XKR4: variants seen among roughly 807,000 people sequenced by gnomAD.
XKR4 encodes XK-related protein 4.
Under a neutral mutation model 53.9 loss-of-function variants are expected in XKR4, and 12 were observed. That is an observed-to-expected ratio of 0.22 (90% CI 0.14 to 0.36). The LOEUF is 0.36. Ranked by LOEUF, XKR4 falls within the 10% of genes least tolerant of loss-of-function variation. The probability of loss-of-function intolerance (pLI) is 1.00; values close to 1 mark genes in which losing one functional copy is unlikely to be tolerated. For synonymous variants in XKR4, 354 were observed against 362.4 expected (o/e 0.98, Z 0.26); for missense variants, 799 against 859.5 (o/e 0.93, Z 0.88).
intron 1 of XKR4, among the ~76,000 whole-genome samples, chr8:55,251,843 C>A (rs112328432): frequency 6.6e-6 from 1 of 152,204 alleles, no homozygotes; most frequent in African/African-American, 2.4e-5. Context: ...CATAATTTAT[C>A]GGTCTCTAAA....
intron 1 of XKR4, among the ~76,000 whole-genome samples, chr8:55,152,737 T>C (rs7840506): frequency 0.32 from 49,305 of 152,050 alleles, 8,691 homozygotes; most frequent in African/African-American, 0.48. Context: ...TGATTTGTTT[T>C]GCTCTAATAC....
rs1432126279 is a variant in XKR4 at position 55,480,655 on chromosome 8, A to G, written c.1007-42626A>G. On this transcript the variant is annotated intron_variant, in intron 2 of 2. Transcript: ENST00000327381. ...CATGATTGTATATTTAGAAAACCCC[A>G]TCGTCTCAGCCCAAAATCTCCTTAA... Among the ~76,000 whole-genome samples the G allele has an allele frequency of 3.3e-5, 5 of 151,896 alleles. No individual in the cohort carries two copies. In the South Asian group the frequency reaches 1.0e-3, roughly 32 times the overall value.
chr8:55,371,669 A>G (rs1804071606), intron 2 of XKR4, among the ~76,000 whole-genome samples: 2 of 152,242 alleles, frequency 1.3e-5, no homozygotes, highest in Admixed American at 6.5e-5. Context: ...TTTATTTAAA[A>G]GTACTGGCAG....
At chr8:55,417,516 C>T (rs56315246) in intron 2 of XKR4, among the ~76,000 whole-genome samples, 16,066 of 151,974 alleles carry the variant, frequency 0.11, 2,137 homozygotes, top group African/African-American at 0.31. Context: ...ATTTAGAGGC[C>T]GGAGGAGAAA....
intron 2 of XKR4, among the ~76,000 whole-genome samples, chr8:55,496,995 C>A (rs529113564): frequency 9.8e-5 from 15 of 152,296 alleles, no homozygotes; most frequent in Admixed American, 9.8e-4. Flanking sequence ...AGATCCTGCC[C>A]AGGAGCTCCC....
chr8:55,514,868 A>G (rs1416240561), intron 2 of XKR4, among the ~76,000 whole-genome samples: 1 of 152,198 alleles, frequency 6.6e-6, no homozygotes, highest in Admixed American at 6.5e-5. Context: ...TCTCCCATTT[A>G]CAGAATTTTT....
chr8:55,408,131 G>A (rs894453033), intron 2 of XKR4, among the ~76,000 whole-genome samples: 7 of 152,178 alleles, frequency 4.6e-5, no homozygotes, highest in Non-Finnish European at 1.0e-4. Flanking sequence ...CAGGGGAAAA[G>A]CAGGCAATTA....
At chr8:55,454,320 G>T in intron 2 of XKR4, 1 of 1,490,050 alleles carries the variant, frequency 6.7e-7, no homozygotes, top group Non-Finnish European at 9.3e-7. Context: ...ATTATGAAGG[G>T]CGTGGGTGTG....
At chr8:55,123,587 A>G (rs16921164) in intron 1 of XKR4, among the ~76,000 whole-genome samples, 36,683 of 152,140 alleles carry the variant, frequency 0.24, 4,945 homozygotes, top group African/African-American at 0.36. Flanking sequence ...AGGAGCAGCT[A>G]TCCACTGAGA....
At chr8:55,511,342 G>T (rs1345674038) in intron 2 of XKR4, among the ~76,000 whole-genome samples, 2 of 152,186 alleles carry the variant, frequency 1.3e-5, no homozygotes, top group Admixed American at 6.5e-5. Flanking sequence ...GCGGAATGAA[G>T]CCAGGAAACA....
rs1806963510 is a variant in XKR4, at chr8:55,532,251, T to G, written c.*8024T>G. 6.6e-6 allele frequency: 1 copy of G among 152,208 alleles called. No homozygotes were observed. Among genetic ancestry groups the G allele is most frequent in the South Asian group, 2.1e-4 (1 of 4,826 alleles). 9.4% of individuals were successfully genotyped at this position (152,208 alleles called of 1,614,324 possible). On this transcript the variant is annotated 3_prime_UTR_variant, in exon 3 of 3. Coordinates refer to ENST00000327381, the MANE Select transcript of XKR4 (RefSeq NM_052898.2). ...ACCTAATAAATGTTACAAGGTACCA[T>G]GATCTCTAGGTTCATGCCACCATTA...
At chr8:55,181,250 T>A (rs1389184439) in intron 1 of XKR4, among the ~76,000 whole-genome samples, 2 of 152,210 alleles carry the variant, frequency 1.3e-5, no homozygotes, top group African/African-American at 4.8e-5. Flanking sequence ...TTGGGTCTAA[T>A]ATCATCGTTT....
At chr8:55,389,872 G>C (rs1282477414) in intron 2 of XKR4, among the ~76,000 whole-genome samples, 1 of 152,184 alleles carries the variant, frequency 6.6e-6, no homozygotes, top group African/African-American at 2.4e-5. Context: ...CAGGTTCCTA[G>C]TGCCTACTGG....
chr8:55,172,948 C>T lies in XKR4; in HGVS notation c.806+69654C>T, dbSNP rs1305226927. Among the ~76,000 whole-genome samples, 8 of 152,168 alleles carry T rather than the reference C, an allele frequency of 5.3e-5. No individual in the cohort carries two copies. The South Asian group carries it at 1.4e-3, about 28-fold the overall frequency. ...TTCCATGTGATAGTGTTTTCTTTTC[C>T]TCTGACTGTAGAACATGCTTGCTCA... On this transcript the variant is annotated intron_variant, in intron 1 of 2. Coordinates refer to ENST00000327381, the MANE Select transcript of XKR4 (RefSeq NM_052898.2).
At chr8:55,253,903 T>A (rs1818396593) in intron 1 of XKR4, among the ~76,000 whole-genome samples, 1 of 151,952 alleles carries the variant, frequency 6.6e-6, no homozygotes, top group African/African-American at 2.4e-5. Flanking sequence ...GTGTTTCTTG[T>A]GGAGGCAGAG....
chr8:55,103,851 G>GTGTGTATATATATATATA (rs1187141027), intron 1 of XKR4, among the ~76,000 whole-genome samples: 1 of 106,018 alleles, frequency 9.4e-6, no homozygotes, highest in East Asian at 3.0e-4. Flanking sequence ...AAATGACTTT[G>GTGTGTATATATATATATA]TATATATATA....
intron 1 of XKR4, among the ~76,000 whole-genome samples, chr8:55,211,305 T>C (rs1248284183): frequency 6.6e-6 from 1 of 152,224 alleles, no homozygotes; most frequent in Non-Finnish European, 1.5e-5. Context: ...ATTTTGTTCT[T>C]TATATTTCAA....
chr8:55,174,425 T>C (rs1366871127), intron 1 of XKR4, among the ~76,000 whole-genome samples: 1 of 152,196 alleles, frequency 6.6e-6, no homozygotes, highest in Non-Finnish European at 1.5e-5. Flanking sequence ...GGATGTTGCT[T>C]GGACTAGAGG....
In XKR4 at chr8:55,518,794, G is replaced by A. The variant is rs546020360; in HGVS notation, c.1007-4487G>A. Among the ~76,000 whole-genome samples the A allele has an allele frequency of 2.0e-5, 3 of 152,262 alleles. No individual in the cohort carries two copies. The East Asian group carries it at 5.8e-4, about 29-fold the overall frequency. On this transcript the variant is annotated intron_variant, in intron 2 of 2. Coordinates refer to ENST00000327381, the MANE Select transcript of XKR4 (RefSeq NM_052898.2). Reference sequence around the variant, plus strand: ...AGGCTGAGAAGGGAAGAGAACTGAGGACTGCATCCCAAGCAATGCCAGTAG... The same window carrying A: ...AGGCTGAGAAGGGAAGAGAACTGAGAACTGCATCCCAAGCAATGCCAGTAG...
Sources: allele counts gnomAD v4.1 joint callset (sites outside exome capture counted in the v4.1 genomes callset), GRCh38; gene constraint gnomAD v4.1.1; transcripts MANE v1.5; gene names NCBI Gene and HGNC (gene_info 2026-07-23, HGNC 2026-07-21).